SFMBT2: variants seen among roughly 807,000 people sequenced by gnomAD.
SFMBT2 encodes the protein scm-like with four MBT domains protein 2.
SFMBT2 carries 38 observed loss-of-function variants against 110.1 expected under a neutral mutation model. The observed-to-expected ratio is 0.35, with a 90% CI of 0.27 to 0.45. The LOEUF is 0.45. Among genes scored for constraint, SFMBT2 ranks in the 20% least tolerant of loss-of-function variants. The pLI is 1.00. For missense variants in SFMBT2, 1,011 were observed against 1,094.9 expected (o/e 0.92, Z 1.08); for synonymous variants, 425 against 425.4 (o/e 1.00, Z 0.01).
chr10:7,186,475 A>ATATATATATATATAT (rs1345076690), intron 16 of SFMBT2, among the ~76,000 whole-genome samples: 2,001 of 135,456 alleles, frequency 0.015, 36 homozygotes, highest in African/African-American at 0.039. Context: ...TATATATATA[A>ATATATATATATATAT]AAATATTTTA....
At chr10:7,289,167 T>C (rs1233775129) in intron 4 of SFMBT2, among the ~76,000 whole-genome samples, 1 of 152,158 alleles carries the variant, frequency 6.6e-6, no homozygotes, top group Admixed American at 6.5e-5. Flanking sequence ...CACATAAGTT[T>C]CAAGATTAGG....
chr10:7,241,521 T>C (rs1840428865), intron 9 of SFMBT2, among the ~76,000 whole-genome samples: 1 of 152,076 alleles, frequency 6.6e-6, no homozygotes, highest in South Asian at 2.1e-4. Flanking sequence ...ATGAAGAGAA[T>C]TTTACCTTAC....
At chr10:7,246,262 A>G (rs763171179) in intron 8 of SFMBT2, 2 of 666,128 alleles carry the variant, frequency 3.0e-6, no homozygotes, top group Admixed American at 6.3e-5. Context: ...TCCCCTCAAT[A>G]AGATCTATTT....
chr10:7,385,816 G>A lies in SFMBT2; in HGVS notation c.-51-3867C>T, dbSNP rs534362965. ...AGATCAAGACCATCCTGGCTAACAC[G>A]GTGAAACCCCGTCTCTACTAAAAAT... On this transcript the variant is annotated intron_variant, in intron 1 of 20. Transcript: ENST00000397167. Among the ~76,000 whole-genome samples, 325 of 152,184 alleles carry A rather than the reference G, an allele frequency of 2.1e-3. 1 individual carries two copies. The South Asian group carries it at 0.022, about 10-fold the overall frequency.
intron 4 of SFMBT2, among the ~76,000 whole-genome samples, chr10:7,297,921 C>G (rs1482027966): frequency 1.3e-5 from 2 of 152,178 alleles, no homozygotes; most frequent in Non-Finnish European, 2.9e-5. Context: ...GTTATCAGCA[C>G]CCCCACCACC....
At chr10:7,346,472 C>T (rs1844114838) in intron 4 of SFMBT2, among the ~76,000 whole-genome samples, 1 of 152,126 alleles carries the variant, frequency 6.6e-6, no homozygotes, top group African/African-American at 2.4e-5. Context: ...ACATCCATCT[C>T]TTTAAACGTT....
At chr10:7,218,273 A>T (rs564046874) in intron 11 of SFMBT2, among the ~76,000 whole-genome samples, 2 of 152,234 alleles carry the variant, frequency 1.3e-5, no homozygotes, top group African/African-American at 2.4e-5. Flanking sequence ...AGGAAAGGAA[A>T]CACTAGATAG....
intron 9 of SFMBT2, among the ~76,000 whole-genome samples, chr10:7,242,723 G>A (rs1564401512): frequency 6.6e-6 from 1 of 152,166 alleles, no homozygotes; most frequent in Non-Finnish European, 1.5e-5. Flanking sequence ...AAACAGACTG[G>A]CGAGGCCACC....
chr10:7,355,367 T>C (rs1844471400), intron 4 of SFMBT2, among the ~76,000 whole-genome samples: 1 of 152,196 alleles, frequency 6.6e-6, no homozygotes, highest in Admixed American at 6.5e-5. Context: ...AGCATGTTTA[T>C]AAAGAAATAA....
At chr10:7,306,235 G>A (rs541888880) in intron 4 of SFMBT2, among the ~76,000 whole-genome samples, 5 of 152,368 alleles carry the variant, frequency 3.3e-5, no homozygotes, top group African/African-American at 1.2e-4. Flanking sequence ...TCAGTGAACT[G>A]TGCGTGGCTT....
At position 7,163,922 on chromosome 10, in the gene SFMBT2, G is replaced by C; in HGVS notation, c.2545-12C>G. 1.9e-6 allele frequency: 3 copies of C among 1,611,100 alleles called. No homozygotes were observed. Among genetic ancestry groups the C allele is most frequent in the Non-Finnish European group, 1.7e-6 (2 of 1,178,466 alleles). On this transcript the variant is annotated splice_polypyrimidine_tract_variant and intron_variant, in intron 20 of 20. Transcript: ENST00000397167. This position sits in a 1 kb window ranked among gnomAD's most constrained non-coding sequence, Gnocchi z 4.8. ...TGGCCGTCAATATCCTGCAGGAAAA[G>C]AAAGGCAGGTTAGAGAAGGGGCAGT...
intron 4 of SFMBT2, among the ~76,000 whole-genome samples, chr10:7,319,762 G>A (rs12766872): frequency 3.7e-5 from 5 of 136,082 alleles, no homozygotes; most frequent in Non-Finnish European, 6.4e-5. Flanking sequence ...GAGAGAGACA[G>A]AGAGAGACAC....
chr10:7,177,312 A>C (rs1838095169), intron 16 of SFMBT2, among the ~76,000 whole-genome samples: 1 of 152,164 alleles, frequency 6.6e-6, no homozygotes, highest in Non-Finnish European at 1.5e-5. Flanking sequence ...CTATTTGTGT[A>C]TTAGGAAAAA....
At position 7,176,069 on chromosome 10, in the gene SFMBT2, G is replaced by A; in HGVS notation, c.1905C>T (p.Cys635=). 6.2e-7 allele frequency: 1 copy of A among 1,614,224 alleles called. No homozygotes were observed. The highest frequency in any genetic ancestry group is 8.5e-7 in the Non-Finnish European group (1 of 1,180,040). The stretch of plus-strand genomic sequence containing the variant: ...GCACAGGACTAAACAAATTTGGACA[G>A]CACTCTAGCTTGGCACAGACTCGGC... ...FCRRVCAKLE[C]CPNLFSPVLI... The change falls in exon 17 of 21, where the codon TGC becomes TGT. Residue 635 remains cysteine, a synonymous_variant. Coordinates refer to ENST00000397167, the MANE Select transcript of SFMBT2 (RefSeq NM_001387889.1).
intron 1 of SFMBT2, among the ~76,000 whole-genome samples, chr10:7,387,037 C>CTTT (rs1160830132): frequency 7.9e-5 from 12 of 152,278 alleles, no homozygotes; most frequent in African/African-American, 2.9e-4. Flanking sequence ...CATAATGCAG[C>CTTT]TATGACTTTT....
At chr10:7,330,390 T>C (rs1843527755) in intron 4 of SFMBT2, among the ~76,000 whole-genome samples, 2 of 152,290 alleles carry the variant, frequency 1.3e-5, no homozygotes, top group Admixed American at 1.3e-4. Flanking sequence ...CCTGACTTCT[T>C]AGAATCAAAC....
chr10:7,176,475 G>A (rs1838058399), intron 16 of SFMBT2: 3 of 984,982 alleles, frequency 3.0e-6, no homozygotes, highest in Admixed American at 1.2e-4. Flanking sequence ...CATACCTGAT[G>A]GGCATGGCTC....
chr10:7,345,483 C>A (rs1206870129), intron 4 of SFMBT2, among the ~76,000 whole-genome samples: 1 of 152,166 alleles, frequency 6.6e-6, no homozygotes, highest in Non-Finnish European at 1.5e-5. Flanking sequence ...CTCAGCCTCC[C>A]AAGTAGCTGG....
At chr10:7,325,604 A>G (rs1564441269) in intron 4 of SFMBT2, among the ~76,000 whole-genome samples, 1 of 152,244 alleles carries the variant, frequency 6.6e-6, no homozygotes, top group Non-Finnish European at 1.5e-5. Context: ...TTGAGAGAGA[A>G]AAAATAGTGG....
Sources: gnomAD v4.1 joint callset for allele counts (sites outside exome capture counted in the v4.1 genomes callset) on GRCh38, gnomAD v4.1.1 for gene constraint, Gnocchi (gnomAD v3.1) non-coding constraint, MANE v1.5 for transcripts, NCBI Gene and HGNC (gene_info 2026-07-23, HGNC 2026-07-21) for gene names.